Variants in BMPR1B observed in about 807,000 individuals in gnomAD.
The protein encoded by BMPR1B is bone morphogenetic protein receptor type-1B.
A neutral mutation model predicts 59.1 loss-of-function variants in BMPR1B; 12 were observed. That is an observed-to-expected ratio of 0.20 (90% CI 0.13 to 0.33). The LOEUF (loss-of-function observed/expected upper bound fraction) is 0.33, where lower values mean the gene tolerates loss of function less well. BMPR1B is among the 10% of genes least tolerant of loss of function. The probability of loss-of-function intolerance (pLI) is 1.00; values close to 1 mark genes in which losing one functional copy is unlikely to be tolerated. For synonymous variants in BMPR1B, 237 were observed against 207.3 expected (o/e 1.14, Z -1.23); for missense variants, 550 against 610.9 (o/e 0.90, Z 1.05).
intron 1 of BMPR1B, among the ~76,000 whole-genome samples, chr4:94,774,051 A>G (rs1011799054): frequency 2.0e-5 from 3 of 151,976 alleles, no homozygotes; most frequent in African/African-American, 7.2e-5. Flanking sequence ...AAGACACTAT[A>G]TTTTCATACA....
intron 10 of BMPR1B, among the ~76,000 whole-genome samples, chr4:95,133,957 C>G (rs1023346763): frequency 1.3e-5 from 2 of 151,988 alleles, no homozygotes; most frequent in Non-Finnish European, 2.9e-5. Flanking sequence ...ATACGTGTGC[C>G]ATGTTGGTGT....
rs948940795 is a variant in BMPR1B, at chr4:95,152,861, ATTC to A, written c.1383+94_1383+96del. The A allele has an allele frequency of 2.1e-4, 319 of 1,526,024 alleles. 1 individual carries two copies. The Admixed American group carries it at 5.1e-3, about 24-fold the overall frequency. The allele number at this position is 1,526,024 out of a possible 1,614,324, so 94.5% of individuals were successfully genotyped here. A position where few individuals can be genotyped will look rare whatever the true frequency, so the allele number is the denominator to read the frequency against. On this transcript the variant is annotated intron_variant, in intron 12 of 12. Transcript: ENST00000515059. ...AAAATTCCACATATTGATTGTAGGA[ATTC>A]TTCTTTTTTTGATGGTGATGGTGAT...
At chr4:94,843,788 C>G (rs78300606) in intron 1 of BMPR1B, among the ~76,000 whole-genome samples, 329 of 152,274 alleles carry the variant, frequency 2.2e-3, no homozygotes, top group African/African-American at 7.6e-3. Flanking sequence ...GCCGTTTCCT[C>G]TGTTCTCATT....
At chr4:94,950,768 A>G (rs936701429) in intron 2 of BMPR1B, among the ~76,000 whole-genome samples, 1 of 152,194 alleles carries the variant, frequency 6.6e-6, no homozygotes, top group Non-Finnish European at 1.5e-5. Flanking sequence ...TGTCTTGGCT[A>G]TATGGCCTTT....
At chr4:94,900,137 A>G (rs751817061) in intron 2 of BMPR1B, among the ~76,000 whole-genome samples, 6 of 151,916 alleles carry the variant, frequency 3.9e-5, no homozygotes, top group Non-Finnish European at 8.8e-5. Flanking sequence ...TTTAATTTGG[A>G]AACCTGTAAC....
intron 1 of BMPR1B, among the ~76,000 whole-genome samples, chr4:94,791,779 C>T (rs763970659): frequency 5.3e-5 from 8 of 152,180 alleles, no homozygotes; most frequent in Admixed American, 2.0e-4. Context: ...AATTCTTGAA[C>T]ATTTAACCTT....
chr4:95,061,181 A>G (rs926565296), intron 3 of BMPR1B, among the ~76,000 whole-genome samples: 3 of 84,350 alleles, frequency 3.6e-5, no homozygotes, highest in African/African-American at 8.5e-5. Flanking sequence ...ACACACACAC[A>G]CACACACACA....
intron 3 of BMPR1B, among the ~76,000 whole-genome samples, chr4:95,053,097 A>G (rs191693756): frequency 7.0e-4 from 106 of 152,348 alleles, no homozygotes; most frequent in South Asian, 2.7e-3. Flanking sequence ...CATATGCTAC[A>G]GACAGAATCT....
Position 94,949,314 on chromosome 4 carries a change from T to TATGGCTGCATAGTATTTCATG in BMPR1B, c.-112-46726_-112-46725insATGGCTGCATAGTATTTCATG, listed in dbSNP as rs1406901953. On this transcript the variant is annotated intron_variant, in intron 2 of 12. Coordinates refer to ENST00000515059, the MANE Select transcript of BMPR1B (RefSeq NM_001203.3). Reference sequence around the variant, plus strand: ...CAAAGGACATGAACTCATTCTTTTTTTTTTTTTTTTTTTGAGACGGAGTCT... The same window carrying TATGGCTGCATAGTATTTCATG: ...CAAAGGACATGAACTCATTCTTTTTTATGGCTGCATAGTATTTCATGTTTTTTTTTTTTTGAGACGGAGTCT... Among the ~76,000 whole-genome samples the TATGGCTGCATAGTATTTCATG allele has an allele frequency of 3.2e-3, 334 of 103,358 alleles. 13 individuals are homozygous for TATGGCTGCATAGTATTTCATG. Among genetic ancestry groups the TATGGCTGCATAGTATTTCATG allele is most frequent in the Middle Eastern group, 5.1e-3 (1 of 196 alleles). 67.8% of individuals were successfully genotyped at this position (103,358 alleles called of 152,430 possible). A position where few individuals can be genotyped will look rare whatever the true frequency, so the allele number is the denominator to read the frequency against.
intron 3 of BMPR1B, among the ~76,000 whole-genome samples, chr4:95,010,602 C>T (rs531486959): frequency 2.0e-5 from 3 of 152,226 alleles, no homozygotes; most frequent in African/African-American, 7.2e-5. Flanking sequence ...ATTGCTTGGC[C>T]GTATGAAAAT....
chr4:94,961,149 A>T (rs1434661184), intron 2 of BMPR1B, among the ~76,000 whole-genome samples: 1 of 152,142 alleles, frequency 6.6e-6, no homozygotes, highest in African/African-American at 2.4e-5. Flanking sequence ...TCATGGTGGA[A>T]CATACCAGTG....
At chr4:95,107,673 C>T (rs1250283534) in intron 4 of BMPR1B, among the ~76,000 whole-genome samples, 1 of 151,802 alleles carries the variant, frequency 6.6e-6, no homozygotes, top group Non-Finnish European at 1.5e-5. Flanking sequence ...GTGAGAATTC[C>T]GAGGCTCTAA....
intron 3 of BMPR1B, among the ~76,000 whole-genome samples, chr4:95,008,177 A>T (rs1722981187): frequency 6.6e-6 from 1 of 152,206 alleles, no homozygotes; most frequent in South Asian, 2.1e-4. Flanking sequence ...GCTTAAGTAA[A>T]CTATTGAATA....
At chr4:94,774,152 G>T (rs921753038) in intron 1 of BMPR1B, among the ~76,000 whole-genome samples, 1 of 151,936 alleles carries the variant, frequency 6.6e-6, no homozygotes, top group African/African-American at 2.4e-5. Context: ...TCATGCTTCT[G>T]TGCAACCTCC....
At chr4:95,105,896 G>A (rs1352333951) in intron 4 of BMPR1B, among the ~76,000 whole-genome samples, 1 of 151,970 alleles carries the variant, frequency 6.6e-6, no homozygotes, top group East Asian at 1.9e-4. Context: ...AAGTAGCGTG[G>A]GGTATTTTAC....
intron 3 of BMPR1B, among the ~76,000 whole-genome samples, chr4:95,038,262 C>T (rs1725406097): frequency 6.6e-6 from 1 of 152,068 alleles, no homozygotes; most frequent in Admixed American, 6.6e-5. Flanking sequence ...AAAAAGAGCC[C>T]AGTGAGGTAG....
At chr4:95,000,892 C>T (rs1332357249) in intron 3 of BMPR1B, among the ~76,000 whole-genome samples, 2 of 152,068 alleles carry the variant, frequency 1.3e-5, no homozygotes, top group African/African-American at 4.8e-5. Flanking sequence ...TTTTCTGTAA[C>T]AGTGAAGGGC....
rs533495281 is a variant in BMPR1B at position 95,030,057 on chromosome 4, T to G, written c.-18+33923T>G. Among the ~76,000 whole-genome samples, 319 of 151,546 alleles carry G rather than the reference T, an allele frequency of 2.1e-3. 2 individuals are homozygous for G. The highest frequency in any genetic ancestry group is 7.1e-3 in the African/African-American group (293 of 41,388). Reference sequence around the variant, plus strand: ...GTAGGTTGCAAAAATTTTCTCCCATTTTGTAGGTTGCCTGTTCACTCTGAT... The same window carrying G: ...GTAGGTTGCAAAAATTTTCTCCCATGTTGTAGGTTGCCTGTTCACTCTGAT... On this transcript the variant is annotated intron_variant, in intron 3 of 12. Coordinates refer to ENST00000515059, the MANE Select transcript of BMPR1B (RefSeq NM_001203.3).
chr4:95,030,872 G>C (rs562876285), intron 3 of BMPR1B, among the ~76,000 whole-genome samples: 14 of 152,268 alleles, frequency 9.2e-5, no homozygotes, highest in Middle Eastern at 6.8e-3. Flanking sequence ...AATAAAAGAG[G>C]ATACAAAGAA....
Sources: allele counts gnomAD v4.1 joint callset (sites outside exome capture counted in the v4.1 genomes callset), GRCh38; gene constraint gnomAD v4.1.1; transcripts MANE v1.5; gene names NCBI Gene and HGNC (gene_info 2026-07-23, HGNC 2026-07-21).